UNC5D: variants seen among roughly 807,000 people sequenced by gnomAD.
The protein encoded by UNC5D is netrin receptor UNC5D.
A neutral mutation model predicts 105.4 loss-of-function variants in UNC5D; 39 were observed. The ratio of observed to expected loss-of-function variants is 0.37; its 90% confidence interval spans 0.29 to 0.48. The LOEUF (loss-of-function observed/expected upper bound fraction) is 0.48, where lower values mean the gene tolerates loss of function less well. Ranked by LOEUF, UNC5D falls within the 20% of genes least tolerant of loss-of-function variation. The probability of loss-of-function intolerance (pLI) is 0.98; values close to 1 mark genes in which losing one functional copy is unlikely to be tolerated. For missense variants in UNC5D, 991 were observed against 1,202.4 expected, an observed-to-expected ratio of 0.82 and a Z score of 2.60; for synonymous variants, 452 against 450.4, an observed-to-expected ratio of 1.00 and a Z score of -0.04.
intron 1 of UNC5D, among the ~76,000 whole-genome samples, chr8:35,399,862 A>T (rs994416501): frequency 2.0e-5 from 3 of 152,150 alleles, no homozygotes; most frequent in Admixed American, 6.5e-5. Flanking sequence ...TGGCCAAGTA[A>T]TAATAGGCAT....
rs565048396 is a variant in UNC5D at position 35,287,540 on chromosome 8, A to G, written c.103+51653A>G. Among the ~76,000 whole-genome samples the G allele has an allele frequency of 2.6e-4, 30 of 113,886 alleles. No homozygotes were observed. In the South Asian group the frequency reaches 0.011, roughly 42 times the overall value. The allele number at this position is 113,886 out of a possible 152,430, so 74.7% of individuals were successfully genotyped here. On this transcript the variant is annotated intron_variant, in intron 1 of 16. Transcript: ENST00000404895. ...CTGGATATGGTGGCACGTGCCTGAA[A>G]TCCCAGTACTTTGGGGGGCTGAGGC...
intron 7 of UNC5D, among the ~76,000 whole-genome samples, chr8:35,700,386 A>G (rs1167061821): frequency 6.6e-6 from 1 of 152,182 alleles, no homozygotes; most frequent in Admixed American, 6.5e-5. Flanking sequence ...TTTACATGTT[A>G]GGGACCCATA....
At chr8:35,744,410 A>G (rs1246898571) in intron 11 of UNC5D, among the ~76,000 whole-genome samples, 1 of 152,226 alleles carries the variant, frequency 6.6e-6, no homozygotes, top group East Asian at 1.9e-4. Flanking sequence ...CTTTCACCCA[A>G]TAGGTTAACA....
At chr8:35,734,496 C>T (rs1369204296) in intron 11 of UNC5D, among the ~76,000 whole-genome samples, 4 of 151,724 alleles carry the variant, frequency 2.6e-5, no homozygotes, top group East Asian at 2.0e-4. Context: ...CTGCAACCTC[C>T]GCCTTCTGGG....
chr8:35,669,316 T>C (rs1449444251), intron 4 of UNC5D, among the ~76,000 whole-genome samples: 1 of 152,140 alleles, frequency 6.6e-6, no homozygotes, highest in African/African-American at 2.4e-5. Flanking sequence ...TTCATTTCAA[T>C]CTATTGATTT....
chr8:35,631,466 G>A (rs974746097), intron 4 of UNC5D, among the ~76,000 whole-genome samples: 5 of 152,216 alleles, frequency 3.3e-5, no homozygotes, highest in Non-Finnish European at 7.3e-5. Context: ...ACCATGCACT[G>A]CTGGGCAGTA....
At chr8:35,267,267 T>C (rs1804947729) in intron 1 of UNC5D, among the ~76,000 whole-genome samples, 1 of 152,120 alleles carries the variant, frequency 6.6e-6, no homozygotes, top group South Asian at 2.1e-4. Context: ...TATCTATTTC[T>C]CCATCATATA....
intron 4 of UNC5D, among the ~76,000 whole-genome samples, chr8:35,628,997 TG>T: frequency 6.6e-6 from 1 of 152,292 alleles, no homozygotes; most frequent in East Asian, 1.9e-4. Flanking sequence ...CTTTCCTCTG[TG>T]GGTATCTTTG....
intron 1 of UNC5D, among the ~76,000 whole-genome samples, chr8:35,484,341 T>C (rs1357653344): frequency 6.6e-6 from 1 of 152,184 alleles, no homozygotes; most frequent in Non-Finnish European, 1.5e-5. Context: ...GGGCAGCTAC[T>C]CAAGCCAGAA....
At chr8:35,487,311 C>T (rs1208875587) in intron 1 of UNC5D, among the ~76,000 whole-genome samples, 2 of 152,064 alleles carry the variant, frequency 1.3e-5, no homozygotes, top group Non-Finnish European at 2.9e-5. Context: ...GTGAGATTAA[C>T]ATTTAAATCA....
chr8:35,563,732 T>A (rs1219655087), intron 2 of UNC5D, among the ~76,000 whole-genome samples: 1 of 152,198 alleles, frequency 6.6e-6, no homozygotes, highest in Non-Finnish European at 1.5e-5. Flanking sequence ...CTTTGTTCAG[T>A]AGGTTGTTAG....
At chr8:35,330,843 C>G (rs895688592) in intron 1 of UNC5D, among the ~76,000 whole-genome samples, 3 of 152,114 alleles carry the variant, frequency 2.0e-5, no homozygotes, top group Admixed American at 1.3e-4. Context: ...CTGTATTATA[C>G]AAAATGTGGA....
intron 1 of UNC5D, among the ~76,000 whole-genome samples, chr8:35,496,885 A>G (rs1444171682): frequency 1.3e-5 from 2 of 152,140 alleles, no homozygotes; most frequent in South Asian, 4.1e-4. Flanking sequence ...TTTTTAAACA[A>G]TCTGGTTTCT....
intron 1 of UNC5D, among the ~76,000 whole-genome samples, chr8:35,429,991 C>T (rs1443910792): frequency 6.6e-6 from 1 of 151,890 alleles, no homozygotes; most frequent in Non-Finnish European, 1.5e-5. Context: ...GGTCTTTGTC[C>T]CACTGTTATG....
intron 1 of UNC5D, among the ~76,000 whole-genome samples, chr8:35,517,552 T>C (rs1172306968): frequency 1.3e-5 from 2 of 152,190 alleles, no homozygotes; most frequent in Non-Finnish European, 2.9e-5. Flanking sequence ...ATCCTCTTGA[T>C]GTTAGTGTGG....
intron 1 of UNC5D, among the ~76,000 whole-genome samples, chr8:35,358,298 C>T (rs1223695883): frequency 1.3e-5 from 2 of 152,128 alleles, no homozygotes; most frequent in East Asian, 3.9e-4. Context: ...ACATATACAC[C>T]ATGGGATACT....
intron 7 of UNC5D, among the ~76,000 whole-genome samples, chr8:35,701,041 T>A (rs961242591): frequency 6.6e-6 from 1 of 152,148 alleles, no homozygotes; most frequent in Non-Finnish European, 1.5e-5. Flanking sequence ...AGCATATGAT[T>A]TATGACAAAC....
At chr8:35,437,283 T>C (rs962492436) in intron 1 of UNC5D, among the ~76,000 whole-genome samples, 1 of 152,140 alleles carries the variant, frequency 6.6e-6, no homozygotes, top group Non-Finnish European at 1.5e-5. Flanking sequence ...GTTTATATTA[T>C]TGACTTCTTG....
intron 1 of UNC5D, among the ~76,000 whole-genome samples, chr8:35,324,449 G>C (rs201513374): frequency 6.6e-6 from 1 of 150,918 alleles, no homozygotes; most frequent in South Asian, 2.1e-4. Flanking sequence ...TGTGCTTTTT[G>C]AGTATTTAAA....
Sources: allele counts gnomAD v4.1 joint callset (sites outside exome capture counted in the v4.1 genomes callset), GRCh38; gene constraint gnomAD v4.1.1; transcripts MANE v1.5; gene names NCBI Gene and HGNC (gene_info 2026-07-23, HGNC 2026-07-21).